The following SYK variants were observed in gnomAD, a reference collection of about 807,000 sequenced individuals.
SYK encodes spleen associated tyrosine kinase.
In SYK, 16 loss-of-function variants were observed where a neutral mutation model predicts 77.8. The observed-to-expected ratio is 0.21, with a 90% CI of 0.14 to 0.31. The LOEUF (loss-of-function observed/expected upper bound fraction) is 0.31, where lower values mean the gene tolerates loss of function less well. SYK is among the 10% of genes least tolerant of loss of function. SYK has a pLI of 1.00. For missense variants in SYK, 529 were observed against 814.4 expected (o/e 0.65, Z 4.26); for synonymous variants, 312 against 308.7 (o/e 1.01, Z -0.11).
intron 1 of SYK, among the ~76,000 whole-genome samples, chr9:90,802,711 T>C (rs1826775861): frequency 6.7e-6 from 1 of 150,152 alleles, no homozygotes; most frequent in African/African-American, 2.5e-5. Flanking sequence ...GTTTGAATCT[T>C]TTTTTACGTT....
chr9:90,820,579 G>A (rs1213244163), intron 1 of SYK, among the ~76,000 whole-genome samples: 1 of 152,182 alleles, frequency 6.6e-6, no homozygotes, highest in African/African-American at 2.4e-5. Flanking sequence ...GGAGCAGCTG[G>A]GACACAGGGC....
rs140621156 is a variant in SYK at position 90,886,138 on chromosome 9, A to G, written c.1582-1611A>G. Among the ~76,000 whole-genome samples, 1,020 of 152,350 alleles carry G rather than the reference A, an allele frequency of 6.7e-3. 8 individuals are homozygous for G. Among genetic ancestry groups the G allele is most frequent in the Non-Finnish European group, 0.011 (749 of 68,020 alleles). On this transcript the variant is annotated intron_variant, in intron 11 of 13. Transcript: ENST00000375754. ...AAACATACAAATAATCCTGTTAAATAGTGGGCTAAGAACATAGATAGACAT... is the reference window on the plus strand; with the variant it reads ...AAACATACAAATAATCCTGTTAAATGGTGGGCTAAGAACATAGATAGACAT...
rs560643701 is a variant in SYK, at chr9:90,885,800, A to G, written c.1582-1949A>G. 4.9e-4 allele frequency among the ~76,000 whole-genome samples: 75 copies of G among 152,322 alleles called. 1 individual carries two copies. Among genetic ancestry groups the G allele is most frequent in the Non-Finnish European group, 8.1e-4 (55 of 68,026 alleles). On this transcript the variant is annotated intron_variant, in intron 11 of 13. Coordinates refer to ENST00000375754, the MANE Select transcript of SYK (RefSeq NM_003177.7). ...AAGAGCAAAAGAAAATCTTCTAATT[A>G]CCCATAAAGGAACCACCATTAGACT... is the stretch of plus-strand genomic sequence containing the variant.
At chr9:90,874,150 C>T (rs1827838921) in intron 7 of SYK, 54 bp from the exon 8 acceptor site, 2 of 1,361,310 alleles carry the variant, frequency 1.5e-6, no homozygotes, top group African/African-American at 1.4e-5. Context: ...TGCAGATCAA[C>T]TTAACAGTTT....
chr9:90,889,356 A>C (rs993796281), intron 13 of SYK, among the ~76,000 whole-genome samples: 1 of 152,370 alleles, frequency 6.6e-6, no homozygotes, highest in Admixed American at 6.5e-5. Context: ...AACTGTGCAC[A>C]CAGAGCCCAC....
chr9:90,845,644 C>T (rs1341489448), intron 3 of SYK, 50 bp downstream of exon 3: 2 of 1,590,794 alleles, frequency 1.3e-6, no homozygotes, highest in African/African-American at 2.7e-5. Flanking sequence ...CCTGTGTGGA[C>T]AATTGGGAAT....
At chr9:90,844,415 G>A in intron 2 of SYK, 100 bp downstream of exon 2, 1 of 1,313,518 alleles carries the variant, frequency 7.6e-7, no homozygotes, top group Non-Finnish European at 1.0e-6. Flanking sequence ...TGCCCTGTGT[G>A]CCCAAATAAC....
At chr9:90,841,447 GTGTA>G (rs1224389011) in intron 1 of SYK, among the ~76,000 whole-genome samples, 1 of 151,880 alleles carries the variant, frequency 6.6e-6, no homozygotes, top group Non-Finnish European at 1.5e-5. Context: ...TGTGTGTAGT[GTGTA>G]TGTAGTTTGT....
intron 9 of SYK, among the ~76,000 whole-genome samples, 174 bp from the exon 10 acceptor site, chr9:90,877,397 G>A (rs3827824): frequency 0.18 from 28,144 of 152,172 alleles, 2,952 homozygotes; most frequent in Admixed American, 0.3. Context: ...TAAAATAAGG[G>A]AATATAGGTT....
Position 90,898,224 on chromosome 9 carries a change from C to G in SYK, c.*2624C>G, listed in dbSNP as rs977347576. 8.6e-6 allele frequency: 2 copies of G among 231,300 alleles called. No individual in the cohort carries two copies. The highest frequency in any genetic ancestry group is 1.7e-5 in the Non-Finnish European group (2 of 116,812). The allele number at this position is 231,300 out of a possible 1,614,324, so 14.3% of individuals were successfully genotyped here. On this transcript the variant is annotated 3_prime_UTR_variant, in exon 14 of 14. Transcript: ENST00000375754. Reference sequence around the variant, plus strand: ...TGTCCCCCAGCAGGGCCGACAGTTTCTATCACAGAAAACAGTGTGTTCAGT... The same window carrying G: ...TGTCCCCCAGCAGGGCCGACAGTTTGTATCACAGAAAACAGTGTGTTCAGT...
intron 4 of SYK, among the ~76,000 whole-genome samples, 176 bp from the exon 5 acceptor site, chr9:90,864,413 C>T (rs568921057): frequency 1.2e-4 from 19 of 152,308 alleles, no homozygotes; most frequent in Non-Finnish European, 1.9e-4. Context: ...AGGGGGGATC[C>T]CTAGCTGTGG....
intron 11 of SYK, among the ~76,000 whole-genome samples, chr9:90,884,412 T>TAC (rs1828350129): frequency 1.3e-5 from 1 of 74,794 alleles, no homozygotes; most frequent in Non-Finnish European, 2.7e-5. Context: ...TATGTGTATA[T>TAC]ATACATACAT....
At chr9:90,803,822 A>T (rs978544306) in intron 1 of SYK, among the ~76,000 whole-genome samples, 1 of 152,206 alleles carries the variant, frequency 6.6e-6, no homozygotes, top group Non-Finnish European at 1.5e-5. Context: ...GTAAACATAC[A>T]TGTTGACCCT....
At chr9:90,815,787 T>C (rs973998402) in intron 1 of SYK, among the ~76,000 whole-genome samples, 5 of 152,252 alleles carry the variant, frequency 3.3e-5, no homozygotes, top group Non-Finnish European at 1.5e-5. Context: ...TCTGTGCTTG[T>C]TCCCCTCTGT....
At chr9:90,841,363 TGTA>T (rs1247662124) in intron 1 of SYK, among the ~76,000 whole-genome samples, 2 of 145,738 alleles carry the variant, frequency 1.4e-5, no homozygotes, top group Non-Finnish European at 2.9e-5. Flanking sequence ...GTATACTGTG[TGTA>T]GTATGTGTGC....
intron 3 of SYK, 73 bp from the exon 4 acceptor site, chr9:90,862,133 G>A (rs1827287445): frequency 1.3e-6 from 2 of 1,508,322 alleles, no homozygotes; most frequent in South Asian, 2.7e-5. Context: ...ATTCAGGCCA[G>A]GGTGCTTCCT....
rs1475525512 is a variant in SYK at position 90,870,608 on chromosome 9, A to C, written c.915+3409A>C. Among the ~76,000 whole-genome samples, 4 of 152,320 alleles carry C rather than the reference A, an allele frequency of 2.6e-5. No individual in the cohort carries two copies. The South Asian group carries it at 6.2e-4, about 24-fold the overall frequency. The stretch of plus-strand genomic sequence containing the variant: ...ATAAAGGAACAGATTTTAGATCTTC[A>C]CTGTAAGAGAACAGTAATTGCAGAG... On this transcript the variant is annotated intron_variant, in intron 7 of 13. Coordinates refer to ENST00000375754, the MANE Select transcript of SYK (RefSeq NM_003177.7).
At chr9:90,838,668 G>A (rs751077802) in intron 1 of SYK, among the ~76,000 whole-genome samples, 4 of 152,180 alleles carry the variant, frequency 2.6e-5, no homozygotes, top group Non-Finnish European at 5.9e-5. Flanking sequence ...GGCCTGGTTT[G>A]TTTCTCAGTT....
In SYK at chr9:90,884,741, A is replaced by G. The variant is rs1344135662; in HGVS notation, c.1582-3008A>G. Among the ~76,000 whole-genome samples the G allele has an allele frequency of 5.8e-5, 2 of 34,422 alleles. 1 individual carries two copies. Among genetic ancestry groups the G allele is most frequent in the Non-Finnish European group, 8.8e-5 (2 of 22,686 alleles). The allele number at this position is 34,422 out of a possible 152,430, so 22.6% of individuals were successfully genotyped here. ...TATACACATATGTGTACATGTACAT[A>G]TACACATATACACATATGTGTACAT... On this transcript the variant is annotated intron_variant, in intron 11 of 13. Coordinates refer to ENST00000375754, the MANE Select transcript of SYK (RefSeq NM_003177.7).
Sources: allele counts gnomAD v4.1 joint callset (sites outside exome capture counted in the v4.1 genomes callset), GRCh38; gene constraint gnomAD v4.1.1; transcripts MANE v1.5; gene names NCBI Gene and HGNC (gene_info 2026-07-23, HGNC 2026-07-21).